BEST2: variants seen among roughly 807,000 people sequenced by gnomAD.
The protein encoded by BEST2 is bestrophin 2.
A neutral mutation model predicts 49.0 loss-of-function variants in BEST2; 36 were observed. The ratio of observed to expected loss-of-function variants is 0.73; its 90% CI spans 0.56 to 0.97. The LOEUF (loss-of-function observed/expected upper bound fraction) is 0.97, where lower values mean the gene tolerates loss of function less well. Among genes scored for constraint, BEST2 ranks in the 50% least tolerant of loss-of-function variants. The pLI, the probability that BEST2 is intolerant of heterozygous loss-of-function variation, is 0.00. For missense variants in BEST2, 672 were observed against 710.0 expected (o/e 0.95, Z 0.61); for synonymous variants, 335 against 304.4 (o/e 1.10, Z -1.05).
At chr19:12,753,662 G>C (rs1159360382) in intron 3 of BEST2, among the ~76,000 whole-genome samples, 4 of 151,908 alleles carry the variant, frequency 2.6e-5, no homozygotes, top group Admixed American at 2.6e-4. Context: ...GTGTTATTAG[G>C]GGGGACAAAC....
Position 12,754,632 on chromosome 19 carries a change from G to T in BEST2, c.328G>T (p.Val110Leu), listed in dbSNP as rs1315753554. The part of the protein sequence containing the change: ...MPLPDALMCV[V>L]AGTVHGRDDR... ...GCTGCCCGACGCGCTCATGTGCGTGGTGGCGGGCACCGTGCACGGACGCGA... is the reference window on the plus strand; with the variant it reads ...GCTGCCCGACGCGCTCATGTGCGTGTTGGCGGGCACCGTGCACGGACGCGA... Residue 110 changes from valine (V) to leucine (L), a missense_variant, in exon 4 of 10, where the codon GTG (valine) becomes TTG (leucine). This residue lies in a region of BEST2 where 365 missense variants were observed against 390.9 expected (regional missense o/e 0.93). Coordinates refer to ENST00000553030, the MANE Select transcript of BEST2 (RefSeq NM_017682.3). 6 of 1,562,992 alleles carry T rather than the reference G, an allele frequency of 3.8e-6. No homozygotes were observed. Among genetic ancestry groups the T allele is most frequent in the Non-Finnish European group, 4.3e-6 (5 of 1,151,904 alleles).
chr19:12,755,257 C>A lies in BEST2; in HGVS notation c.637-122C>A. 3 of 1,139,950 alleles carry A rather than the reference C, an allele frequency of 2.6e-6. No individual in the cohort carries two copies. The highest frequency in any genetic ancestry group is 1.3e-6 in the Non-Finnish European group (1 of 775,230). The allele number at this position is 1,139,950 out of a possible 1,614,324, so 70.6% of individuals were successfully genotyped here. On this transcript the variant is annotated intron_variant, in intron 5 of 9. Transcript: ENST00000553030. The surrounding 1 kb of genome is among the most constrained non-coding windows in gnomAD (Gnocchi z 4.4). ...TCACCACCAAATACCCTCCCTGGAA[C>A]CCCCAAAGCACACTCCCAATTCCCA... is the stretch of plus-strand genomic sequence containing the variant.
chr19:12,755,259 C>G lies in BEST2; in HGVS notation c.637-120C>G. ...ACCACCAAATACCCTCCCTGGAACC[C>G]CCAAAGCACACTCCCAATTCCCACC... On this transcript the variant is annotated intron_variant, in intron 5 of 9. Transcript: ENST00000553030. The surrounding 1 kb of genome is among the most constrained non-coding windows in gnomAD (Gnocchi z 4.4). 1.7e-6 allele frequency: 2 copies of G among 1,171,928 alleles called. No individual in the cohort carries two copies. Among genetic ancestry groups the G allele is most frequent in the Non-Finnish European group, 2.5e-6 (2 of 800,932 alleles). 72.6% of individuals were successfully genotyped at this position (1,171,928 alleles called of 1,614,324 possible).
Position 12,757,958 on chromosome 19 carries a change from C to T in BEST2, c.1411C>T (p.Leu471Phe), listed in dbSNP as rs1251486466. Residue 471 changes from leucine to phenylalanine, a missense_variant, in exon 10 of 10, where the codon CTT becomes TTT. Leu to Phe is a conservative substitution (Grantham distance 22). This residue lies in a region of BEST2 where 291 missense variants were observed against 279.8 expected (regional missense o/e 1.04). Transcript: ENST00000553030. ...EAPPPAGPEP[L>F]TLIPGPVEPF... Reference sequence around the variant, plus strand: ...CCCGCCCCCTGCGGGTCCCGAACCGCTTACCCTCATCCCTGGGCCTGTCGA... The same window carrying T: ...CCCGCCCCCTGCGGGTCCCGAACCGTTTACCCTCATCCCTGGGCCTGTCGA... The T allele has an allele frequency of 1.2e-6, 2 of 1,603,588 alleles. No homozygotes were observed. Among genetic ancestry groups the T allele is most frequent in the South Asian group, 1.1e-5 (1 of 89,552 alleles).
intron 3 of BEST2, among the ~76,000 whole-genome samples, chr19:12,753,931 G>T (rs1358961104): frequency 6.6e-6 from 1 of 151,970 alleles, no homozygotes; most frequent in Non-Finnish European, 1.5e-5. Context: ...AGGTCCCTAT[G>T]CCTTCACAGC....
In BEST2 at chr19:12,758,069, C is replaced by G. The variant is rs1366326169; in HGVS notation, c.1522C>G (p.Leu508Val). Reference sequence around the variant, plus strand: ...CCCTATTGGCGAGGAGGAGGAGAATCTGGCCTGAGATCTTAGAGCCCAGCC... The same window carrying G: ...CCCTATTGGCGAGGAGGAGGAGAATGTGGCCTGAGATCTTAGAGCCCAGCC... ...PSPIGEEEENLA is the reference protein window; with the variant it reads ...PSPIGEEEENVA Residue 508 changes from leucine (L) to valine (V), a missense_variant, in exon 10 of 10, where the codon CTG becomes GTG. By Grantham distance (32) the Leu-to-Val change is conservative (BLOSUM62 1). Transcript: ENST00000553030. 3 of 1,612,840 alleles carry G rather than the reference C, an allele frequency of 1.9e-6. No homozygotes were observed. Among genetic ancestry groups the G allele is most frequent in the Non-Finnish European group, 8.5e-7 (1 of 1,179,844 alleles).
At chr19:12,752,409 C>A in intron 1 of BEST2, 133 bp from the exon 2 acceptor site, 1 of 568,528 alleles carries the variant, frequency 1.8e-6, no homozygotes, top group African/African-American at 1.9e-5. Context: ...GCACTGGGGG[C>A]TGGACTAGAC....
chr19:12,757,651 G>A lies in BEST2; in HGVS notation c.1104G>A (p.Thr368=), dbSNP rs747106779. Reference sequence around the variant, plus strand: ...CGCTGGCCCACTGTCGGTCCCGCAGGCTGGCCAAAGAAGACATGCAGTTCC... The same window carrying A: ...CGCTGGCCCACTGTCGGTCCCGCAGACTGGCCAAAGAAGACATGCAGTTCC... ...PSFQGSTFDI[T]LAKEDMQFQR... is the part of the protein sequence containing the mutation. Residue 368 remains threonine (T), a splice_region_variant and synonymous_variant, in exon 10 of 10, where the codon ACG becomes ACA. Coordinates refer to ENST00000553030, the MANE Select transcript of BEST2 (RefSeq NM_017682.3). The A allele has an allele frequency of 1.3e-6, 2 of 1,535,384 alleles. No individual in the cohort carries two copies. The highest frequency in any genetic ancestry group is 4.0e-5 in the Admixed American group (2 of 49,390).
chr19:12,753,112 A>C, intron 2 of BEST2, 148 bp from the exon 3 acceptor site: 1 of 747,444 alleles, frequency 1.3e-6, no homozygotes, highest in South Asian at 1.7e-5. Flanking sequence ...CGGCCTCCCA[A>C]AGTGCTGGGA....
chr19:12,753,378 C>T (rs769442104), intron 3 of BEST2, 24 bp downstream of exon 3: 59 of 1,605,984 alleles, frequency 3.7e-5, no homozygotes, highest in Non-Finnish European at 2.6e-5. Context: ...CCAAGTCCCC[C>T]GTTCCCATGT....
intron 2 of BEST2, 49 bp from the exon 3 acceptor site, chr19:12,753,211 G>A (rs1372859986): frequency 6.3e-7 from 1 of 1,584,092 alleles, no homozygotes; most frequent in Non-Finnish European, 8.7e-7. Context: ...TCTGAAGCTG[G>A]GGATGGAGTC....
intron 3 of BEST2, among the ~76,000 whole-genome samples, 198 bp from the exon 4 acceptor site, chr19:12,754,354 G>A (rs1599457502): frequency 6.6e-6 from 1 of 152,066 alleles, no homozygotes. Flanking sequence ...TTACAGGCGT[G>A]AGCCACCGCG....
chr19:12,752,630 G>A lies in BEST2; in HGVS notation c.38G>A (p.Arg13His), dbSNP rs368197840. ...VTYTARVANARFGGFSQLLLL... is the reference protein window; with the variant it reads ...VTYTARVANAHFGGFSQLLLL... ...TACACAGCCCGAGTGGCGAACGCCCGCTTCGGTGGCTTCTCCCAGCTGCTG... is the reference window on the plus strand; with the variant it reads ...TACACAGCCCGAGTGGCGAACGCCCACTTCGGTGGCTTCTCCCAGCTGCTG... Residue 13 changes from arginine (R) to histidine (H), a missense_variant, in exon 2 of 10, where the codon CGC becomes CAC. By Grantham distance (29) the Arg-to-His change is conservative (BLOSUM62 0). This residue lies in a region of BEST2 where 365 missense variants were observed against 390.9 expected (regional missense o/e 0.93). Transcript: ENST00000553030. 45 of 1,612,266 alleles carry A rather than the reference G, an allele frequency of 2.8e-5. No individual in the cohort carries two copies. The highest frequency in any genetic ancestry group is 9.4e-5 in the African/African-American group (7 of 74,782).
chr19:12,755,119 C>T lies in BEST2; in HGVS notation c.636+88C>T. The T allele has an allele frequency of 2.7e-6, 4 of 1,457,722 alleles. No individual in the cohort carries two copies. Among genetic ancestry groups the T allele is most frequent in the Non-Finnish European group, 3.7e-6 (4 of 1,095,060 alleles). 90.3% of individuals were successfully genotyped at this position (1,457,722 alleles called of 1,614,324 possible). A position where few individuals can be genotyped will look rare whatever the true frequency, so the allele number is the denominator to read the frequency against. On this transcript the variant is annotated intron_variant, in intron 5 of 9. Transcript: ENST00000553030. The surrounding 1 kb of genome is among the most constrained non-coding windows in gnomAD (Gnocchi z 4.4). ...TCAACGGCGGCCCTCCAAGCACCCC[C>T]ACGAGGCCGATTTCAAACACCCTCA...
Position 12,758,254 on chromosome 19 carries a change from C to G in BEST2, c.*177C>G, listed in dbSNP as rs1967970823. On this transcript the variant is annotated 3_prime_UTR_variant, in exon 10 of 10. Coordinates refer to ENST00000553030, the MANE Select transcript of BEST2 (RefSeq NM_017682.3). ...CTAGGGGCGGGAGTTCTTCCAGACTCTTGGACCAGCCCGCCCTGACCACCA... is the reference window on the plus strand; with the variant it reads ...CTAGGGGCGGGAGTTCTTCCAGACTGTTGGACCAGCCCGCCCTGACCACCA... 1.3e-6 allele frequency: 1 copy of G among 775,118 alleles called. No homozygotes were observed. The allele number at this position is 775,118 out of a possible 1,614,324, so 48.0% of individuals were successfully genotyped here.
rs1372449301 is a variant in BEST2, at chr19:12,754,583, G to A, written c.279G>A (p.Trp93Ter). The change falls in exon 4 of 10, where the codon TGG (tryptophan) becomes TGA (stop). Residue 93 changes from tryptophan to a stop codon, truncating the protein, a stop_gained. Coordinates refer to ENST00000553030, the MANE Select transcript of BEST2 (RefSeq NM_017682.3). LOFTEE classifies it high-confidence loss of function. The part of the protein sequence containing the change: ...GFYVTLVVNR[W>*]WSQYLCMPLP... Reference sequence around the variant, plus strand: ...ATGTGACGCTGGTGGTGAACCGCTGGTGGAGCCAGTACCTATGCATGCCGC... The same window carrying A: ...ATGTGACGCTGGTGGTGAACCGCTGATGGAGCCAGTACCTATGCATGCCGC... The A allele has an allele frequency of 3.9e-6, 6 of 1,546,820 alleles. No individual in the cohort carries two copies. The highest frequency in any genetic ancestry group is 1.2e-5 in the South Asian group (1 of 84,670).
In BEST2 at chr19:12,755,658, T is replaced by C. The variant is rs1967934145; in HGVS notation, c.758T>C (p.Ile253Thr). 6.2e-7 allele frequency: 1 copy of C among 1,614,024 alleles called. No homozygotes were observed. ...ALYSYFLACL[I>T]GRQFLDPAQG... ...TACAGCTACTTCCTGGCTTGCCTCATTGGTCGCCAGTTCCTGGACCCGGCT... is the reference window on the plus strand; with the variant it reads ...TACAGCTACTTCCTGGCTTGCCTCACTGGTCGCCAGTTCCTGGACCCGGCT... The change falls in exon 7 of 10, where the codon ATT becomes ACT. Residue 253 changes from isoleucine (I) to threonine (T), a missense_variant. By Grantham distance (89) the Ile-to-Thr change is moderately conservative (BLOSUM62 -1). Coordinates refer to ENST00000553030, the MANE Select transcript of BEST2 (RefSeq NM_017682.3). The surrounding 1 kb of genome is among the most constrained non-coding windows in gnomAD (Gnocchi z 4.4).
In BEST2 at chr19:12,754,836, G is replaced by A. The variant is rs369941749; in HGVS notation, c.482-41G>A. The A allele has an allele frequency of 7.1e-4, 1,130 of 1,593,460 alleles. 10 individuals are homozygous for A. In the South Asian group the frequency reaches 8.9e-3, roughly 13 times the overall value. On this transcript the variant is annotated intron_variant, in intron 4 of 9. Transcript: ENST00000553030. ...AGAGACCGGGCAAGGACCAGGTGGA[G>A]GGGGGCAAGGGGCGAGCTATCCCTG... is the stretch of plus-strand genomic sequence containing the variant.
In BEST2 at chr19:12,752,726, C is replaced by T. The variant is rs190553647; in HGVS notation, c.134C>T (p.Ala45Val). 60 of 1,611,798 alleles carry T rather than the reference C, an allele frequency of 3.7e-5. No individual in the cohort carries two copies. The East Asian group carries it at 3.8e-4, about 10-fold the overall frequency. Residue 45 changes from alanine (A) to valine (V), a missense_variant, in exon 2 of 10, where the codon GCG becomes GTG. Transcript: ENST00000553030. ...CTCTGCTTCCTTGGGTTCTACATGG[C>T]GCTGAGTGCTGCCTACCGGTGAGGC... The part of the protein sequence containing the change: ...ELLCFLGFYM[A>V]LSAAYRFVLT...
Sources: allele counts gnomAD v4.1 joint callset (sites outside exome capture counted in the v4.1 genomes callset), GRCh38; gene constraint gnomAD v4.1.1; regional missense constraint gnomAD v4.1.1; non-coding constraint Gnocchi (gnomAD v3.1); transcripts MANE v1.5; gene names NCBI Gene and HGNC (gene_info 2026-07-23, HGNC 2026-07-21).